Variants in SH2B3 observed in about 807,000 individuals in gnomAD.
The protein encoded by SH2B3 is SH2B adaptor protein 3.
Under a neutral mutation model 51.9 loss-of-function variants are expected in SH2B3, and 43 were observed. The observed-to-expected ratio is 0.83, with a 90% CI of 0.65 to 1.07. The LOEUF is 1.07. Among genes scored for constraint, SH2B3 ranks in the 50% least tolerant of loss-of-function variants. The probability of loss-of-function intolerance (pLI) is 0.00; values close to 1 mark genes in which losing one functional copy is unlikely to be tolerated. For synonymous variants in SH2B3, 396 were observed against 376.0 expected, an observed-to-expected ratio of 1.05 and a Z score of -0.62; for missense variants, 952 against 834.3, an observed-to-expected ratio of 1.14 and a Z score of -1.74.
upstream of SH2B3, among the ~76,000 whole-genome samples, chr12:111,405,018 C>G (rs1870149129): frequency 6.6e-6 from 1 of 152,174 alleles, no homozygotes; most frequent in Admixed American, 6.5e-5. The surrounding 1 kb of genome is among the most constrained non-coding windows in gnomAD (Gnocchi z 5.4). Flanking sequence ...TCCTCCCTCC[C>G]CGCCCTCCCA....
At position 111,418,511 on chromosome 12, in the gene SH2B3, G is replaced by C. The variant is rs1270130090; in HGVS notation, c.366G>C (p.Glu122Asp). Reference sequence around the variant, plus strand: ...GCCTGCCCAAGGCCCGCAGCTCTGAGGAGCTGGCCCCGCCGCGGCCGCCCG... The same window carrying C: ...GCCTGCCCAAGGCCCGCAGCTCTGACGAGCTGGCCCCGCCGCGGCCGCCCG... ...APGLPKARSS[E>D]ELAPPRPPGP... is the part of the protein sequence containing the mutation. Residue 122 changes from glutamate to aspartate, a missense_variant, in exon 2 of 8, where the codon GAG (glutamate) becomes GAC (aspartate). By Grantham distance (45) the Glu-to-Asp change is conservative. Coordinates refer to ENST00000341259, the MANE Select transcript of SH2B3 (RefSeq NM_005475.3). The surrounding 1 kb of genome is among the most constrained non-coding windows in gnomAD (Gnocchi z 6.7). 2.2e-6 allele frequency: 3 copies of C among 1,384,074 alleles called. No homozygotes were observed. Among genetic ancestry groups the C allele is most frequent in the Non-Finnish European group, 2.8e-6 (3 of 1,070,994 alleles). The allele number at this position is 1,384,074 out of a possible 1,614,324, so 85.7% of individuals were successfully genotyped here. A position where few individuals can be genotyped will look rare whatever the true frequency, so the allele number is the denominator to read the frequency against.
rs2135528089 is a variant in SH2B3 at position 111,406,910 on chromosome 12, C to T, written c.-28+633C>T. ...GGTTTCTGGTATTGATCCTCTCACA[C>T]CTCTTGCCTGGGGTTCCCTGGGAAT... On this transcript the variant is annotated intron_variant, in intron 1 of 7. Coordinates refer to ENST00000341259, the MANE Select transcript of SH2B3 (RefSeq NM_005475.3). The surrounding 1 kb of genome is among the most constrained non-coding windows in gnomAD (Gnocchi z 5.7). 6.6e-6 allele frequency among the ~76,000 whole-genome samples: 1 copy of T among 152,330 alleles called. No individual in the cohort carries two copies. The highest frequency in any genetic ancestry group is 1.5e-5 in the Non-Finnish European group (1 of 68,036).
chr12:111,447,575 G>A, intron 6 of SH2B3, 31 bp downstream of exon 6: 5 of 1,604,032 alleles, frequency 3.1e-6, no homozygotes, highest in Non-Finnish European at 4.3e-6. Flanking sequence ...GGGTGGGGCA[G>A]GCAGGACCGT....
chr12:111,447,766 G>A lies in SH2B3; in HGVS notation c.1347G>A (p.Glu449=). The A allele has an allele frequency of 6.2e-7, 1 of 1,614,176 alleles. No individual in the cohort carries two copies. Among genetic ancestry groups the A allele is most frequent in the South Asian group, 1.1e-5 (1 of 91,088 alleles). Residue 449 remains glutamate, a synonymous_variant, in exon 7 of 8, where the codon GAG becomes GAA. Coordinates refer to ENST00000341259, the MANE Select transcript of SH2B3 (RefSeq NM_005475.3). ...HHFQRSPIPL[E]CGAACDVRLS... is the part of the protein sequence containing the mutation. ...TCCAGCGCTCGCCCATCCCACTCGA[G>A]TGCGGCGCCGCCTGTGATGTCCGGC...
At chr12:111,440,777 C>G (rs1873332766) in intron 2 of SH2B3, among the ~76,000 whole-genome samples, 1 of 152,236 alleles carries the variant, frequency 6.6e-6, no homozygotes, top group Non-Finnish European at 1.5e-5. Flanking sequence ...GGGAGGCCTT[C>G]TTGAGCCTCT....
rs1171290536 is a variant in SH2B3 at position 111,449,931 on chromosome 12, CT to C, written c.*1643del. The C allele has an allele frequency of 1.7e-3, 236 of 141,590 alleles. No homozygotes were observed. Among genetic ancestry groups the C allele is most frequent in the Non-Finnish European group, 1.6e-3 (101 of 64,360 alleles). The allele number at this position is 141,590 out of a possible 1,614,324, so 8.8% of individuals were successfully genotyped here. A position where few individuals can be genotyped will look rare whatever the true frequency, so the allele number is the denominator to read the frequency against. Reference sequence around the variant, plus strand: ...GGGGAACAAACCCCTATGCACTTTTCTTTTTTTTTTTTTTGAGATGGAGTTT... The same window carrying C: ...GGGGAACAAACCCCTATGCACTTTTCTTTTTTTTTTTTTGAGATGGAGTTT... On this transcript the variant is annotated 3_prime_UTR_variant, in exon 8 of 8. Transcript: ENST00000341259.
Position 111,410,478 on chromosome 12 carries a change from C to T in SH2B3, c.-28+4201C>T, listed in dbSNP as rs371103515. On this transcript the variant is annotated intron_variant, in intron 1 of 7. Coordinates refer to ENST00000341259, the MANE Select transcript of SH2B3 (RefSeq NM_005475.3). The surrounding 1 kb of genome is among the most constrained non-coding windows in gnomAD (Gnocchi z 4.9). Reference sequence around the variant, plus strand: ...CCACGGCCTTGGGATGGGGGGCGTGCGGGATTCTGATGGTGCTGCCTCTCC... The same window carrying T: ...CCACGGCCTTGGGATGGGGGGCGTGTGGGATTCTGATGGTGCTGCCTCTCC... 8.5e-5 allele frequency among the ~76,000 whole-genome samples: 13 copies of T among 152,232 alleles called. No individual in the cohort carries two copies. Among genetic ancestry groups the T allele is most frequent in the South Asian group, 4.1e-4 (2 of 4,830 alleles).
chr12:111,418,446 G>C lies in SH2B3; in HGVS notation c.301G>C (p.Glu101Gln). 1.4e-6 allele frequency: 2 copies of C among 1,418,788 alleles called. No homozygotes were observed. Among genetic ancestry groups the C allele is most frequent in the Non-Finnish European group, 1.8e-6 (2 of 1,092,020 alleles). 87.9% of individuals were successfully genotyped at this position (1,418,788 alleles called of 1,614,324 possible). A position where few individuals can be genotyped will look rare whatever the true frequency, so the allele number is the denominator to read the frequency against. Residue 101 changes from glutamate to glutamine, a missense_variant, in exon 2 of 8, where the codon GAG becomes CAG. Transcript: ENST00000341259. This position sits in a 1 kb window ranked among gnomAD's most constrained non-coding sequence, Gnocchi z 6.7. ...AGGCCGTGGGCCCCCAGCCAAGGCC[G>C]AGGCGTCCCCGGAGCCAGGCCCCGG... is the stretch of plus-strand genomic sequence containing the variant. Reference protein sequence around the residue: ...DTGRGPPAKAEASPEPGPGPA... With the variant: ...DTGRGPPAKAQASPEPGPGPA...
At chr12:111,440,738 G>A (rs1289176121) in intron 2 of SH2B3, among the ~76,000 whole-genome samples, 1 of 152,202 alleles carries the variant, frequency 6.6e-6, no homozygotes, top group African/African-American at 2.4e-5. Context: ...CTCTGTGCTG[G>A]GCCAAGACCG....
chr12:111,416,185 G>T (rs1871074827), intron 1 of SH2B3, among the ~76,000 whole-genome samples: 1 of 151,754 alleles, frequency 6.6e-6, no homozygotes, highest in Non-Finnish European at 1.5e-5. Flanking sequence ...CTCGTGATCT[G>T]CCTGCCTCGG....
chr12:111,424,489 TGGGA>T (rs1179579077), intron 2 of SH2B3, among the ~76,000 whole-genome samples: 1 of 152,172 alleles, frequency 6.6e-6, no homozygotes, highest in Non-Finnish European at 1.5e-5. Context: ...TCCTGTTCTC[TGGGA>T]GCCCTGATGG....
At chr12:111,430,078 C>T (rs543721587) in intron 2 of SH2B3, among the ~76,000 whole-genome samples, 10 of 152,270 alleles carry the variant, frequency 6.6e-5, no homozygotes, top group African/African-American at 1.9e-4. Flanking sequence ...GGGGTAGGAA[C>T]GGAGGTCCCA....
chr12:111,436,098 C>T lies in SH2B3; in HGVS notation c.733-10655C>T, dbSNP rs34098371. ...GCATGCCCTGTGCCATGTGCTGGTC[C>T]GCTGGCTGTCACTGCAGCGCAGCTC... is the stretch of plus-strand genomic sequence containing the variant. On this transcript the variant is annotated intron_variant, in intron 2 of 7. Transcript: ENST00000341259. Among the ~76,000 whole-genome samples the T allele has an allele frequency of 1.2e-3, 186 of 152,258 alleles. 1 individual carries two copies. The highest frequency in any genetic ancestry group is 0.011 in the East Asian group (59 of 5,166).
rs551728790 is a variant in SH2B3 at position 111,435,222 on chromosome 12, G to A, written c.733-11531G>A. ...TTCCCCGAGCTGGTCCTGGCTTTGT[G>A]GCAGGGGGATGGGCCGTCGGTGCCC... On this transcript the variant is annotated intron_variant, in intron 2 of 7. Coordinates refer to ENST00000341259, the MANE Select transcript of SH2B3 (RefSeq NM_005475.3). The surrounding 1 kb of genome is among the most constrained non-coding windows in gnomAD (Gnocchi z 4.8). 7.9e-5 allele frequency among the ~76,000 whole-genome samples: 12 copies of A among 152,342 alleles called. No individual in the cohort carries two copies. Among genetic ancestry groups the A allele is most frequent in the African/African-American group, 2.9e-4 (12 of 41,586 alleles).
chr12:111,443,439 CTT>C (rs1245983667), intron 2 of SH2B3: 4 of 152,386 alleles, frequency 2.6e-5, no homozygotes, highest in Non-Finnish European at 5.9e-5. Flanking sequence ...TCTTAGCCTT[CTT>C]TTCACAACAA....
rs781125275 is a variant in SH2B3, at chr12:111,447,353, G to T, written c.1045G>T (p.Asp349Tyr). ...NQGASPGGLL[D>Y]PACQKTDHFL... Reference sequence around the variant, plus strand: ...AGGTGCTTCTCCTGGGGGGCTGCTGGACCCGGCCTGCCAGAAGACGGACCA... The same window carrying T: ...AGGTGCTTCTCCTGGGGGGCTGCTGTACCCGGCCTGCCAGAAGACGGACCA... The change falls in exon 6 of 8, where the codon GAC becomes TAC. Residue 349 changes from aspartate to tyrosine, a missense_variant. By Grantham distance (160) the Asp-to-Tyr change is radical. Transcript: ENST00000341259. 6.2e-7 allele frequency: 1 copy of T among 1,613,966 alleles called. No individual in the cohort carries two copies. The highest frequency in any genetic ancestry group is 8.5e-7 in the Non-Finnish European group (1 of 1,179,952).
At chr12:111,428,147 A>G (rs1872157272) in intron 2 of SH2B3, among the ~76,000 whole-genome samples, 2 of 152,242 alleles carry the variant, frequency 1.3e-5, no homozygotes, top group Admixed American at 6.5e-5. Context: ...CAATGCCACC[A>G]TTTTATAGAT....
rs574829930 is a variant in SH2B3 at position 111,418,252 on chromosome 12, C to T, written c.107C>T (p.Ala36Val). The change falls in exon 2 of 8, where the codon GCG becomes GTG. Residue 36 changes from alanine to valine, a missense_variant. Ala to Val is a moderately conservative substitution (Grantham distance 64). Coordinates refer to ENST00000341259, the MANE Select transcript of SH2B3 (RefSeq NM_005475.3). The surrounding 1 kb of genome is among the most constrained non-coding windows in gnomAD (Gnocchi z 6.7). ...GAGTTCTGTGAGTTGCACGCCGTAGCGGCGGCCCGGGAGCTGGCCCGCCAG... is the reference window on the plus strand; with the variant it reads ...GAGTTCTGTGAGTTGCACGCCGTAGTGGCGGCCCGGGAGCTGGCCCGCCAG... ...WSEFCELHAVAAARELARQYW... is the reference protein window; with the variant it reads ...WSEFCELHAVVAARELARQYW... 2.0e-6 allele frequency: 3 copies of T among 1,535,680 alleles called. No homozygotes were observed. Among genetic ancestry groups the T allele is most frequent in the African/African-American group, 1.4e-5 (1 of 72,150 alleles).
At chr12:111,422,383 A>C (rs1376142125) in intron 2 of SH2B3, among the ~76,000 whole-genome samples, 2 of 152,002 alleles carry the variant, frequency 1.3e-5, no homozygotes, top group Non-Finnish European at 2.9e-5. Context: ...GAGGTTAAGC[A>C]CCTTTTCATA....
Sources: allele counts gnomAD v4.1 joint callset (sites outside exome capture counted in the v4.1 genomes callset), GRCh38; gene constraint gnomAD v4.1.1; non-coding constraint Gnocchi (gnomAD v3.1); transcripts MANE v1.5; gene names NCBI Gene and HGNC (gene_info 2026-07-23, HGNC 2026-07-21).